Variants in DACH2 observed in about 807,000 individuals in gnomAD.
DACH2 encodes dachshund homolog 2.
In DACH2, 17 loss-of-function variants were observed where a neutral mutation model predicts 35.8. The ratio of observed to expected loss-of-function variants is 0.48; its 90% CI spans 0.33 to 0.71. DACH2 has a LOEUF of 0.71. Ranked by LOEUF, DACH2 falls within the 30% of genes least tolerant of loss-of-function variation. The pLI is 0.02. For missense variants in DACH2, 469 were observed against 472.7 expected (o/e 0.99, Z 0.07); for synonymous variants, 195 against 177.3 (o/e 1.10, Z -0.79).
chrX:86,482,000 G>A (rs748322726), intron 2 of DACH2, among the ~76,000 whole-genome samples: 38 of 111,425 alleles, frequency 3.4e-4, no homozygotes, highest in African/African-American at 1.2e-3. Flanking sequence ...TATTTTTGTC[G>A]CATTTAAAAA....
At chrX:86,244,096 A>G (rs2033227311) in intron 1 of DACH2, among the ~76,000 whole-genome samples, 1 of 112,151 alleles carries the variant, frequency 8.9e-6, no homozygotes, top group Non-Finnish European at 1.9e-5. Flanking sequence ...ACATTTTAAT[A>G]ACTGACTATT....
At chrX:86,309,987 T>C (rs2034765041) in intron 1 of DACH2, among the ~76,000 whole-genome samples, 1 of 112,407 alleles carries the variant, frequency 8.9e-6, no homozygotes, top group Non-Finnish European at 1.9e-5. Context: ...CAGTGTCAGA[T>C]AGGGATGCTG....
intron 2 of DACH2, among the ~76,000 whole-genome samples, chrX:86,401,243 G>C (rs185257966): frequency 1.0e-3 from 116 of 112,360 alleles, no homozygotes; most frequent in African/African-American, 3.6e-3. Context: ...CAGTATTAGG[G>C]TGGGAGTGAC....
At chrX:86,521,047 C>T (rs917494697) in intron 3 of DACH2, among the ~76,000 whole-genome samples, 3 of 111,681 alleles carry the variant, frequency 2.7e-5, no homozygotes, top group African/African-American at 9.8e-5. Flanking sequence ...GTGGTCTTCC[C>T]TCGCTTTGCT....
At chrX:86,543,010 A>G (rs141068994) in intron 3 of DACH2, among the ~76,000 whole-genome samples, 4,868 of 112,188 alleles carry the variant, frequency 0.043, 100 homozygotes, top group Non-Finnish European at 0.068. Context: ...GGACATTTGA[A>G]CAGAGATCTG....
intron 1 of DACH2, among the ~76,000 whole-genome samples, chrX:86,319,317 G>A (rs1487109847): frequency 8.9e-6 from 1 of 111,740 alleles, no homozygotes; most frequent in Non-Finnish European, 1.9e-5. Flanking sequence ...GAATGTACAT[G>A]TCCATGCCTT....
chrX:86,358,858 T>C (rs1328823825), intron 1 of DACH2, among the ~76,000 whole-genome samples: 4 of 111,854 alleles, frequency 3.6e-5, no homozygotes, highest in Non-Finnish European at 7.5e-5. Context: ...ATCTGACATA[T>C]GCTAGTAACT....
At chrX:86,329,050 T>A (rs2035164917) in intron 1 of DACH2, among the ~76,000 whole-genome samples, 1 of 111,533 alleles carries the variant, frequency 9.0e-6, no homozygotes, top group African/African-American at 3.3e-5. Context: ...AAACAGATTT[T>A]ACTGTGTATG....
intron 6 of DACH2, among the ~76,000 whole-genome samples, chrX:86,724,803 C>A (rs1016504440): frequency 9.0e-6 from 1 of 110,554 alleles, no homozygotes; most frequent in Non-Finnish European, 1.9e-5. Context: ...TTCTTTCTTC[C>A]CCCTCGGAAA....
chrX:86,719,924 T>C (rs866171169), intron 6 of DACH2, among the ~76,000 whole-genome samples: 1 of 72,611 alleles, frequency 1.4e-5, no homozygotes, highest in Non-Finnish European at 2.7e-5. Flanking sequence ...TCTTTTTTTT[T>C]CTTTTTTCTT....
intron 1 of DACH2, among the ~76,000 whole-genome samples, chrX:86,325,438 A>C (rs2148042287): frequency 8.9e-6 from 1 of 112,204 alleles, no homozygotes; most frequent in Non-Finnish European, 1.9e-5. Context: ...TTGTCCTTGG[A>C]AATGCTCTTG....
chrX:86,282,281 C>A (rs2034045224), intron 1 of DACH2, among the ~76,000 whole-genome samples: 1 of 111,665 alleles, frequency 9.0e-6, no homozygotes, highest in East Asian at 2.8e-4. Context: ...ACCAAAACAG[C>A]ATGGTACTGG....
At chrX:86,654,274 A>G (rs755711490) in intron 4 of DACH2, among the ~76,000 whole-genome samples, 2 of 108,998 alleles carry the variant, frequency 1.8e-5, no homozygotes, top group South Asian at 8.1e-4. Context: ...AGTTAAATTC[A>G]ATATAATGTG....
intron 2 of DACH2, among the ~76,000 whole-genome samples, chrX:86,452,960 A>G (rs1371554596): frequency 1.8e-5 from 2 of 111,440 alleles, no homozygotes; most frequent in South Asian, 3.7e-4. Context: ...ATTTAGTGCT[A>G]TAAATTTCCC....
chrX:86,746,651 C>A (rs2041715192), intron 7 of DACH2, among the ~76,000 whole-genome samples: 1 of 110,749 alleles, frequency 9.0e-6, no homozygotes, highest in African/African-American at 3.3e-5. Context: ...TGTAGGAGTT[C>A]TTTTTATATT....
intron 7 of DACH2, among the ~76,000 whole-genome samples, chrX:86,803,750 G>A (rs1244562389): frequency 1.8e-5 from 2 of 109,878 alleles, no homozygotes; most frequent in Non-Finnish European, 3.8e-5. Context: ...AATTGTACTG[G>A]AATAAAATAT....
intron 1 of DACH2, among the ~76,000 whole-genome samples, chrX:86,236,795 G>A (rs2033064920): frequency 8.9e-6 from 1 of 112,216 alleles, no homozygotes; most frequent in Middle Eastern, 4.2e-3. Flanking sequence ...GTGAGTGAAT[G>A]TGAAGTCCTA....
intron 7 of DACH2, among the ~76,000 whole-genome samples, chrX:86,752,738 TC>T (rs1374193472): frequency 1.8e-5 from 2 of 111,367 alleles, no homozygotes; most frequent in African/African-American, 6.5e-5. Context: ...ACTATGGAAG[TC>T]TTGGAAAAAG....
intron 4 of DACH2, among the ~76,000 whole-genome samples, chrX:86,658,266 G>T (rs576857078): frequency 2.7e-5 from 3 of 111,786 alleles, no homozygotes; most frequent in African/African-American, 9.7e-5. Flanking sequence ...TGAGATGTTT[G>T]AATGTGTGTG....
Sources: allele counts gnomAD v4.1 joint callset (sites outside exome capture counted in the v4.1 genomes callset), GRCh38; gene constraint gnomAD v4.1.1; transcripts MANE v1.5; gene names NCBI Gene and HGNC (gene_info 2026-07-23, HGNC 2026-07-21).